FOXJ3: variants seen among roughly 807,000 people sequenced by gnomAD.
The protein encoded by FOXJ3 is forkhead box J3.
FOXJ3 carries 22 observed loss-of-function variants against 76.1 expected under a neutral mutation model. That is an observed-to-expected ratio of 0.29 (90% confidence interval 0.21 to 0.41). The LOEUF is 0.41. Ranked by LOEUF, FOXJ3 falls within the 10% of genes least tolerant of loss-of-function variation. The probability of loss-of-function intolerance (pLI) is 1.00; values close to 1 mark genes in which losing one functional copy is unlikely to be tolerated. For synonymous variants in FOXJ3, 269 were observed against 261.2 expected (o/e 1.03, Z -0.29); for missense variants, 613 against 762.1 (o/e 0.80, Z 2.30).
chr1:42,199,504 CAA>C (rs758572140), intron 6 of FOXJ3, among the ~76,000 whole-genome samples: 3 of 151,806 alleles, frequency 2.0e-5, no homozygotes, highest in Non-Finnish European at 2.9e-5. Flanking sequence ...AAACATTTAA[CAA>C]GAGAGGAATA....
intron 5 of FOXJ3, among the ~76,000 whole-genome samples, chr1:42,220,503 T>C (rs983274183): frequency 1.3e-5 from 2 of 151,948 alleles, no homozygotes; most frequent in East Asian, 3.9e-4. Context: ...ACTCTGAAGG[T>C]TGCTTACTAC....
rs79557698 is a variant in FOXJ3, at chr1:42,197,969, T to A, written c.759+1133A>T. On this transcript the variant is annotated intron_variant, in intron 7 of 12. Transcript: ENST00000361346. The stretch of plus-strand genomic sequence containing the variant: ...TTTTTATTGCTGTACCTTTTTTTTT[T>A]AATTGTTTTTTGTTGTTCAAATATT... Among the ~76,000 whole-genome samples the A allele has an allele frequency of 8.2e-3, 1,241 of 152,188 alleles. 18 individuals carry two copies. Among genetic ancestry groups the A allele is most frequent in the African/African-American group, 0.029 (1,202 of 41,510 alleles).
chr1:42,193,332 TGAG>T (rs758526220), intron 8 of FOXJ3, among the ~76,000 whole-genome samples: 4 of 151,030 alleles, frequency 2.6e-5, no homozygotes, highest in Admixed American at 6.6e-5. Flanking sequence ...GGTCCAGAGA[TGAG>T]AAGTAAACTC....
intron 5 of FOXJ3, among the ~76,000 whole-genome samples, chr1:42,219,549 A>G (rs1020429402): frequency 6.6e-6 from 1 of 152,242 alleles, no homozygotes; most frequent in African/African-American, 2.4e-5. Flanking sequence ...TCATGACTTT[A>G]TAACATAACT....
intron 5 of FOXJ3, among the ~76,000 whole-genome samples, chr1:42,221,017 A>T (rs1647172296): frequency 6.6e-6 from 1 of 152,214 alleles, no homozygotes; most frequent in Non-Finnish European, 1.5e-5. Context: ...TGTTAACATA[A>T]TATTATTTTG....
intron 11 of FOXJ3, among the ~76,000 whole-genome samples, chr1:42,188,124 A>G (rs1646473686): frequency 6.6e-6 from 1 of 152,240 alleles, no homozygotes; most frequent in Admixed American, 6.5e-5. Context: ...TGATGATAAG[A>G]GAAGGTAAGG....
At chr1:42,332,859 T>C in intron 1 of FOXJ3, among the ~76,000 whole-genome samples, 1 of 152,220 alleles carries the variant, frequency 6.6e-6, no homozygotes, top group South Asian at 2.1e-4. Flanking sequence ...CTTTCTCAAA[T>C]GTCCCTTACA....
chr1:42,328,295 T>C (rs891275673), intron 1 of FOXJ3, among the ~76,000 whole-genome samples: 2 of 152,112 alleles, frequency 1.3e-5, no homozygotes, highest in African/African-American at 2.4e-5. Flanking sequence ...AGATCTTGTC[T>C]CAAAAAAATA....
chr1:42,288,434 T>C (rs1226015374), intron 2 of FOXJ3, among the ~76,000 whole-genome samples: 1 of 152,236 alleles, frequency 6.6e-6, no homozygotes, highest in Non-Finnish European at 1.5e-5. Flanking sequence ...TACTGGATAT[T>C]CTTTCATCAG....
intron 1 of FOXJ3, among the ~76,000 whole-genome samples, chr1:42,334,416 G>T (rs992264987): frequency 6.6e-6 from 1 of 152,264 alleles, no homozygotes; most frequent in South Asian, 2.1e-4. Flanking sequence ...AAATGGAGCT[G>T]GGAGGGGGGG....
intron 2 of FOXJ3, among the ~76,000 whole-genome samples, chr1:42,286,830 C>T (rs1653087986): frequency 6.6e-6 from 1 of 151,010 alleles, no homozygotes; most frequent in Non-Finnish European, 1.5e-5. Context: ...GACGGGGTTT[C>T]ACCATGTTGA....
chr1:42,298,088 T>C (rs1261185586), intron 2 of FOXJ3, among the ~76,000 whole-genome samples: 1 of 152,000 alleles, frequency 6.6e-6, no homozygotes, highest in Non-Finnish European at 1.5e-5. Context: ...GATAGTAAGT[T>C]CTCACGAGAT....
intron 1 of FOXJ3, among the ~76,000 whole-genome samples, chr1:42,331,220 A>G (rs953155832): frequency 6.6e-6 from 1 of 152,138 alleles, no homozygotes; most frequent in Non-Finnish European, 1.5e-5. Context: ...CGTCTCCACT[A>G]AAAACGCAGA....
chr1:42,232,521 T>A, intron 4 of FOXJ3, among the ~76,000 whole-genome samples: 1 of 149,024 alleles, frequency 6.7e-6, no homozygotes, highest in Non-Finnish European at 1.5e-5. Context: ...CTCATTGTGG[T>A]TTTGATTTGC....
chr1:42,223,866 G>T (rs1289482460), intron 5 of FOXJ3, among the ~76,000 whole-genome samples: 1 of 152,188 alleles, frequency 6.6e-6, no homozygotes, highest in Non-Finnish European at 1.5e-5. Context: ...GAATAATGTA[G>T]TTGTAGACAG....
intron 4 of FOXJ3, among the ~76,000 whole-genome samples, chr1:42,249,785 T>C (rs993906645): frequency 6.6e-6 from 1 of 152,112 alleles, no homozygotes; most frequent in Non-Finnish European, 1.5e-5. Flanking sequence ...GATCAATACA[T>C]AGACAGCTAC....
At chr1:42,327,263 A>C (rs1655892322) in intron 1 of FOXJ3, among the ~76,000 whole-genome samples, 1 of 152,184 alleles carries the variant, frequency 6.6e-6, no homozygotes, top group South Asian at 2.1e-4. Context: ...AGGGTAGACA[A>C]GTAAGGTGTC....
chr1:42,193,686 A>T (rs1325805920), intron 8 of FOXJ3, among the ~76,000 whole-genome samples: 1 of 152,198 alleles, frequency 6.6e-6, no homozygotes, highest in Non-Finnish European at 1.5e-5. Flanking sequence ...AACTGACAGT[A>T]AGTATTAAAA....
chr1:42,202,844 G>A (rs989970549), intron 6 of FOXJ3, among the ~76,000 whole-genome samples: 7 of 152,058 alleles, frequency 4.6e-5, no homozygotes, highest in African/African-American at 1.7e-4. Flanking sequence ...TCCAAATATT[G>A]TATTTCTTTA....
Sources: gnomAD v4.1 joint callset for allele counts (sites outside exome capture counted in the v4.1 genomes callset) on GRCh38, gnomAD v4.1.1 for gene constraint, MANE v1.5 for transcripts, NCBI Gene and HGNC (gene_info 2026-07-23, HGNC 2026-07-21) for gene names.